UGT1A10: variants seen among roughly 807,000 people sequenced by gnomAD.
The protein encoded by UGT1A10 is UDP glucuronosyltransferase family 1 member A10.
Under a neutral mutation model 45.8 loss-of-function variants are expected in UGT1A10, and 49 were observed. The ratio of observed to expected loss-of-function variants is 1.07; its 90% CI spans 0.85 to 1.36. UGT1A10 has a LOEUF of 1.36. UGT1A10 is among the 40% of genes most tolerant of loss of function. The pLI, the probability that UGT1A10 is intolerant of heterozygous loss-of-function variation, is 0.00. For synonymous variants in UGT1A10, 284 were observed against 249.7 expected (o/e 1.14, Z -1.29); for missense variants, 745 against 668.6 (o/e 1.11, Z -1.26).
At position 233,689,220 on chromosome 2, in the gene UGT1A10, C is replaced by T. The variant is rs1451554792; in HGVS notation, c.855+51843C>T. On this transcript the variant is annotated intron_variant, in intron 1 of 4. Coordinates refer to ENST00000344644, the MANE Select transcript of UGT1A10 (RefSeq NM_019075.4). Reference sequence around the variant, plus strand: ...TGGCTGGGCAAGCCATACTTACCTGCACTTCCCTATTCCATCTGTGAGTGA... The same window carrying T: ...TGGCTGGGCAAGCCATACTTACCTGTACTTCCCTATTCCATCTGTGAGTGA... 3.0e-4 allele frequency among the ~76,000 whole-genome samples: 45 copies of T among 152,194 alleles called. 1 individual carries two copies. The highest frequency in any genetic ancestry group is 2.4e-5 in the African/African-American group (1 of 41,452).
chr2:233,703,754 A>G (rs894644041), intron 1 of UGT1A10, among the ~76,000 whole-genome samples: 2 of 152,118 alleles, frequency 1.3e-5, no homozygotes, highest in Non-Finnish European at 2.9e-5. Context: ...TCTCAAATGT[A>G]TCTTCTGCAG....
chr2:233,719,749 T>G, intron 1 of UGT1A10: 1 of 1,612,804 alleles, frequency 6.2e-7, no homozygotes, highest in South Asian at 1.1e-5. Flanking sequence ...AAAAATGTAT[T>G]TACTTACAAG....
chr2:233,714,390 A>G (rs994854711), intron 1 of UGT1A10, among the ~76,000 whole-genome samples: 23 of 152,218 alleles, frequency 1.5e-4, no homozygotes, highest in Non-Finnish European at 2.6e-4. Context: ...AATTGGGCCA[A>G]TGTAGGTGCA....
chr2:233,653,031 G>A (rs564738626), intron 1 of UGT1A10, among the ~76,000 whole-genome samples: 1 of 152,250 alleles, frequency 6.6e-6, no homozygotes, highest in African/African-American at 2.4e-5. Flanking sequence ...GAACCCACAT[G>A]GCCTCTCTAA....
intron 1 of UGT1A10, among the ~76,000 whole-genome samples, chr2:233,723,516 C>CTT (rs1162916866): frequency 0.011 from 946 of 85,272 alleles, 28 homozygotes; most frequent in African/African-American, 0.04. Context: ...GGTCAACAAT[C>CTT]TTTTTTTTTT....
chr2:233,658,717 T>C (rs1241550820), intron 1 of UGT1A10, among the ~76,000 whole-genome samples: 1 of 152,246 alleles, frequency 6.6e-6, no homozygotes, highest in Non-Finnish European at 1.5e-5. Flanking sequence ...GATAGCCAAC[T>C]CTTGAAAAGA....
chr2:233,745,507 G>A (rs1198591343), intron 1 of UGT1A10, among the ~76,000 whole-genome samples: 1 of 151,594 alleles, frequency 6.6e-6, no homozygotes, highest in African/African-American at 2.4e-5. Flanking sequence ...TTCCTATAGG[G>A]TATTAGGTCT....
Position 233,772,431 on chromosome 2 carries a change from A to G in UGT1A10, c.1465A>G (p.Ile489Val), listed in dbSNP as rs2126066962. The G allele has an allele frequency of 4.3e-6, 7 of 1,614,128 alleles. No individual in the cohort carries two copies. The East Asian group carries it at 1.6e-4, about 36-fold the overall frequency. The change falls in exon 5 of 5, where the codon ATT (isoleucine) becomes GTT (valine). Residue 489 changes from isoleucine (I) to valine (V), a missense_variant. By Grantham distance (29) the Ile-to-Val change is conservative (BLOSUM62 3). Coordinates refer to ENST00000344644, the MANE Select transcript of UGT1A10 (RefSeq NM_019075.4). ...TWYQYHSLDV[I>V]GFLLAVVLTV... ...GTACCAGTACCATTCCTTGGACGTG[A>G]TTGGTTTCCTCTTGGCCGTCGTGCT...
intron 1 of UGT1A10, among the ~76,000 whole-genome samples, chr2:233,716,102 AT>A (rs1251021600): frequency 6.6e-6 from 1 of 152,158 alleles, no homozygotes; most frequent in East Asian, 1.9e-4. Context: ...TTTAACAGAA[AT>A]TTAGTTTTTC....
At chr2:233,729,519 A>G in intron 1 of UGT1A10, 1 of 1,614,214 alleles carries the variant, frequency 6.2e-7, no homozygotes, top group Middle Eastern at 1.6e-4. Context: ...GTGTGGAGCT[A>G]CTACATAATG....
At chr2:233,667,269 C>G (rs1393513311) in intron 1 of UGT1A10, among the ~76,000 whole-genome samples, 1 of 152,086 alleles carries the variant, frequency 6.6e-6, no homozygotes, top group African/African-American at 2.4e-5. Flanking sequence ...CCCACAAAAA[C>G]AAGAAATGGG....
chr2:233,746,674 G>T (rs1328656193), intron 1 of UGT1A10, among the ~76,000 whole-genome samples: 1 of 151,722 alleles, frequency 6.6e-6, no homozygotes, highest in South Asian at 2.1e-4. Context: ...TAGCATAGTA[G>T]GTAGGGCTCA....
chr2:233,662,215 T>C (rs928799316), intron 1 of UGT1A10, among the ~76,000 whole-genome samples: 1 of 152,230 alleles, frequency 6.6e-6, no homozygotes, highest in Non-Finnish European at 1.5e-5. Context: ...CTATTTAAAA[T>C]AGATTTGTGT....
At chr2:233,760,785 G>A in intron 1 of UGT1A10, 1 of 1,613,686 alleles carries the variant, frequency 6.2e-7, no homozygotes. Context: ...ACCTGTCTCT[G>A]CCCACTGTAT....
chr2:233,754,718 T>C (rs548415116), intron 1 of UGT1A10: 30 of 561,924 alleles, frequency 5.3e-5, no homozygotes, highest in African/African-American at 4.6e-4. Flanking sequence ...TGAAGCTGCC[T>C]GTCCCATCAC....
At chr2:233,680,572 C>A (rs1470764939) in intron 1 of UGT1A10, among the ~76,000 whole-genome samples, 1 of 152,170 alleles carries the variant, frequency 6.6e-6, no homozygotes, top group Non-Finnish European at 1.5e-5. Flanking sequence ...TTGCCTAACA[C>A]ACACTGCTGA....
chr2:233,641,557 G>C (rs750619136), intron 1 of UGT1A10, among the ~76,000 whole-genome samples: 2 of 152,150 alleles, frequency 1.3e-5, no homozygotes, highest in African/African-American at 2.4e-5. Flanking sequence ...CAGTTACAAT[G>C]TTATAATATT....
At chr2:233,641,889 C>A (rs28969982) in intron 1 of UGT1A10, among the ~76,000 whole-genome samples, 7 of 151,974 alleles carry the variant, frequency 4.6e-5, no homozygotes, top group Admixed American at 4.6e-4. Flanking sequence ...TATTGGAACT[C>A]CATTGTTTGT....
intron 1 of UGT1A10, among the ~76,000 whole-genome samples, chr2:233,750,399 C>A (rs1694444307): frequency 1.3e-5 from 2 of 151,914 alleles, no homozygotes; most frequent in African/African-American, 2.4e-5. Flanking sequence ...AAATTTGCAG[C>A]CTGACCATGT....
Sources: gnomAD v4.1 joint callset for allele counts (sites outside exome capture counted in the v4.1 genomes callset) on GRCh38, gnomAD v4.1.1 for gene constraint, MANE v1.5 for transcripts, NCBI Gene and HGNC (gene_info 2026-07-23, HGNC 2026-07-21) for gene names.